MAP4K4: variants seen among roughly 807,000 people sequenced by gnomAD.
MAP4K4 encodes the protein HPK/GCK-like kinase HGK.
A neutral mutation model predicts 189.6 loss-of-function variants in MAP4K4; 38 were observed. The ratio of observed to expected loss-of-function variants is 0.20; its 90% CI spans 0.15 to 0.26. The LOEUF (loss-of-function observed/expected upper bound fraction) is 0.26. Among genes scored for constraint, MAP4K4 ranks in the 10% least tolerant of loss-of-function variants. MAP4K4 has a pLI of 1.00. For missense variants in MAP4K4, 1,054 were observed against 1,726.9 expected, an observed-to-expected ratio of 0.61 and a Z score of 6.91; for synonymous variants, 610 against 624.3, an observed-to-expected ratio of 0.98 and a Z score of 0.34.
intron 2 of MAP4K4, among the ~76,000 whole-genome samples, chr2:101,781,458 A>G (rs2087406222): frequency 6.6e-6 from 1 of 152,186 alleles, no homozygotes; most frequent in Non-Finnish European, 1.5e-5. Flanking sequence ...GAGGCTGAGA[A>G]GCCAAAGGTC....
In MAP4K4 at chr2:101,892,727, CTTG is replaced by C. The variant is rs1253618722; in HGVS notation, c.*1481_*1483del. On this transcript the variant is annotated 3_prime_UTR_variant, in exon 33 of 33. Transcript: ENST00000324219. Reference sequence around the variant, plus strand: ...CTTTTCTCGTTTTCTCACTTGCTCTCTTGTTCTCTGTTTTTTTAAACCAATTTT... The same window carrying C: ...CTTTTCTCGTTTTCTCACTTGCTCTCTTCTCTGTTTTTTTAAACCAATTTT... 5 of 361,668 alleles carry C rather than the reference CTTG, an allele frequency of 1.4e-5. No individual in the cohort carries two copies. In the Admixed American group the frequency reaches 1.4e-4, roughly 10 times the overall value. The allele number at this position is 361,668 out of a possible 1,614,324, so 22.4% of individuals were successfully genotyped here.
At chr2:101,891,432 C>CT (rs905094821) in exon 33 of MAP4K4, 22,825 of 437,138 alleles carry the variant, frequency 0.052, 1 homozygote, top group South Asian at 0.074. Flanking sequence ...TATCCCCATT[C>CT]TTTTTTTTTT....
At chr2:101,752,202 T>G (rs2069454061) in intron 2 of MAP4K4, among the ~76,000 whole-genome samples, 1 of 152,184 alleles carries the variant, frequency 6.6e-6, no homozygotes, top group Non-Finnish European at 1.5e-5. Flanking sequence ...AATGGAAACT[T>G]TTATAACATG....
At chr2:101,787,728 A>G (rs1206342493) in intron 2 of MAP4K4, among the ~76,000 whole-genome samples, 1 of 151,258 alleles carries the variant, frequency 6.6e-6, no homozygotes, top group Non-Finnish European at 1.5e-5. Context: ...TTTGCTGGCC[A>G]TTTTGGTTCC....
At chr2:101,796,211 G>A (rs1330015241) in intron 3 of MAP4K4, among the ~76,000 whole-genome samples, 2 of 152,188 alleles carry the variant, frequency 1.3e-5, no homozygotes, top group African/African-American at 4.8e-5. Context: ...TGCTGTTAAA[G>A]CAGGGGATTC....
At chr2:101,824,918 T>C (rs1576310554) in intron 4 of MAP4K4, among the ~76,000 whole-genome samples, 1 of 152,184 alleles carries the variant, frequency 6.6e-6, no homozygotes, top group East Asian at 1.9e-4. Flanking sequence ...AATATAATAG[T>C]TTGAGGATCA....
At chr2:101,761,129 G>C (rs13432571) in intron 2 of MAP4K4, among the ~76,000 whole-genome samples, 4,754 of 152,282 alleles carry the variant, frequency 0.031, 257 homozygotes, top group African/African-American at 0.11. Flanking sequence ...AGAATGTCAA[G>C]GCTATAATAA....
intron 3 of MAP4K4, among the ~76,000 whole-genome samples, chr2:101,821,269 A>G (rs985456814): frequency 6.6e-6 from 1 of 152,216 alleles, no homozygotes; most frequent in Non-Finnish European, 1.5e-5. Flanking sequence ...TCACATGACA[A>G]GTGTTCTTGT....
chr2:101,702,750 C>T (rs2039681111), intron 2 of MAP4K4, among the ~76,000 whole-genome samples: 1 of 152,092 alleles, frequency 6.6e-6, no homozygotes, highest in African/African-American at 2.4e-5. Context: ...GGAAGACTGA[C>T]CCATTCTGAT....
chr2:101,704,226 G>A (rs2149197158), intron 2 of MAP4K4, among the ~76,000 whole-genome samples: 1 of 152,166 alleles, frequency 6.6e-6, no homozygotes, highest in South Asian at 2.1e-4. Context: ...GCATGTTCAG[G>A]CTTGTTCTGA....
At chr2:101,724,207 G>A (rs2053927683) in intron 2 of MAP4K4, among the ~76,000 whole-genome samples, 1 of 152,180 alleles carries the variant, frequency 6.6e-6, no homozygotes, top group South Asian at 2.1e-4. Context: ...AGTGTGCAAT[G>A]TCCTGTGCAC....
chr2:101,703,501 C>A (rs1445362880), intron 2 of MAP4K4, among the ~76,000 whole-genome samples: 1 of 151,028 alleles, frequency 6.6e-6, no homozygotes, highest in Non-Finnish European at 1.5e-5. Flanking sequence ...GCCTGTAATC[C>A]CAGCCACTTG....
intron 3 of MAP4K4, among the ~76,000 whole-genome samples, chr2:101,817,620 G>T (rs538324454): frequency 6.6e-6 from 1 of 152,286 alleles, no homozygotes; most frequent in Non-Finnish European, 1.5e-5. Context: ...GAAGATGGAG[G>T]GGATCCAGAG....
At chr2:101,760,407 T>G (rs1285133505) in intron 2 of MAP4K4, among the ~76,000 whole-genome samples, 1 of 150,590 alleles carries the variant, frequency 6.6e-6, no homozygotes, top group East Asian at 2.0e-4. Flanking sequence ...GAGAATTGCT[T>G]GAACCTGGGA....
intron 3 of MAP4K4, among the ~76,000 whole-genome samples, chr2:101,799,352 G>A (rs2094139239): frequency 6.6e-6 from 1 of 152,116 alleles, no homozygotes; most frequent in African/African-American, 2.4e-5. Flanking sequence ...AGACATTAAA[G>A]TATCACTTTT....
Position 101,875,687 on chromosome 2 carries a change from G to A in MAP4K4, c.3242-1316G>A, listed in dbSNP as rs72829243. 7.6e-3 allele frequency among the ~76,000 whole-genome samples: 1,156 copies of A among 152,284 alleles called. 10 individuals are homozygous for A. Among genetic ancestry groups the A allele is most frequent in the Non-Finnish European group, 0.012 (843 of 68,018 alleles). On this transcript the variant is annotated intron_variant, in intron 26 of 32. Transcript: ENST00000324219. ...TGAGGAAATCAGTACACACAGATATGTGCCCAATTCCCTAGGAATGTAGGG... is the reference window on the plus strand; with the variant it reads ...TGAGGAAATCAGTACACACAGATATATGCCCAATTCCCTAGGAATGTAGGG...
intron 5 of MAP4K4, among the ~76,000 whole-genome samples, chr2:101,828,164 GA>G (rs1209530130): frequency 6.6e-6 from 1 of 152,238 alleles, no homozygotes; most frequent in Non-Finnish European, 1.5e-5. Context: ...TGCTAGTAAT[GA>G]ACAAGAGTGC....
chr2:101,697,994 C>T (rs1162289296), exon 1 of MAP4K4: 11 of 917,910 alleles, frequency 1.2e-5, no homozygotes, highest in East Asian at 1.9e-4. Context: ...GCGCGAGGAG[C>T]GCGGTCGGCG....
intron 3 of MAP4K4, among the ~76,000 whole-genome samples, chr2:101,799,583 GT>G (rs575431041): frequency 9.7e-4 from 139 of 142,840 alleles, no homozygotes; most frequent in South Asian, 2.2e-3. Flanking sequence ...ATGTGTGTGG[GT>G]TTTTTTTTTT....
Sources: allele counts gnomAD v4.1 joint callset (sites outside exome capture counted in the v4.1 genomes callset), GRCh38; gene constraint gnomAD v4.1.1; transcripts MANE v1.5; gene names NCBI Gene and HGNC (gene_info 2026-07-23, HGNC 2026-07-21).